USP7: variants seen among roughly 807,000 people sequenced by gnomAD.
USP7 encodes ubiquitin specific peptidase 7.
In USP7, 9 loss-of-function variants were observed where a neutral mutation model predicts 162.9. The ratio of observed to expected loss-of-function variants is 0.06; its 90% CI spans 0.03 to 0.10. The LOEUF is 0.10. Ranked by LOEUF, USP7 falls within the 10% of genes least tolerant of loss-of-function variation. The pLI is 1.00. For missense variants in USP7, 715 were observed against 1,373.7 expected (o/e 0.52, Z 7.58); for synonymous variants, 562 against 475.9 (o/e 1.18, Z -2.35).
At chr16:8,925,354 A>G (rs1897931016) in intron 2 of USP7, among the ~76,000 whole-genome samples, 1 of 152,246 alleles carries the variant, frequency 6.6e-6, no homozygotes, top group East Asian at 1.9e-4. Flanking sequence ...ATGTATACAG[A>G]ACTGCACAGA....
At chr16:8,915,401 C>T (rs1167053739) in intron 9 of USP7, 44 bp downstream of exon 9, 3 of 1,612,482 alleles carry the variant, frequency 1.9e-6, no homozygotes, top group Non-Finnish European at 2.5e-6. Context: ...AATTCACATT[C>T]TAAAACCTTT....
intron 10 of USP7, 139 bp from the exon 11 acceptor site, chr16:8,910,966 G>C (rs1436213329): frequency 1.4e-6 from 1 of 703,342 alleles, no homozygotes; most frequent in Non-Finnish European, 2.4e-6. Context: ...TCCCCCTGTA[G>C]CCAAGACTGT....
intron 1 of USP7, among the ~76,000 whole-genome samples, chr16:8,951,937 G>C (rs192030646): frequency 6.6e-6 from 1 of 152,290 alleles, no homozygotes; most frequent in East Asian, 1.9e-4. Context: ...TTCAGGCAGT[G>C]GGCTACTTTC....
chr16:8,904,973 A>C (rs2061837298), intron 14 of USP7, among the ~76,000 whole-genome samples: 1 of 152,030 alleles, frequency 6.6e-6, no homozygotes, highest in Non-Finnish European at 1.5e-5. Context: ...CCGTCTCAAA[A>C]AAATAAAATA....
At chr16:8,898,769 A>C (rs2061728003) in intron 23 of USP7, 130 bp from the exon 24 acceptor site, 1 of 702,518 alleles carries the variant, frequency 1.4e-6, no homozygotes, top group Non-Finnish European at 2.3e-6. Flanking sequence ...CATGGGGTTT[A>C]ACTTAATACT....
At chr16:8,933,514 A>C (rs759461883) in intron 1 of USP7, among the ~76,000 whole-genome samples, 19 of 152,254 alleles carry the variant, frequency 1.2e-4, no homozygotes, top group Non-Finnish European at 2.8e-4. Flanking sequence ...AGATGTCTAC[A>C]GAAACAGCAG....
At chr16:8,895,503 C>T in intron 27 of USP7, 139 bp downstream of exon 27, 1 of 799,036 alleles carries the variant, frequency 1.3e-6, no homozygotes, top group Non-Finnish European at 2.0e-6. Context: ...ACTGTAGGTC[C>T]ACTCATGGAA....
At position 8,897,705 on chromosome 16, in the gene USP7, A is replaced by C. The variant is rs1173185037; in HGVS notation, c.2719-606T>G. On this transcript the variant is annotated intron_variant, in intron 25 of 30. Transcript: ENST00000344836. ...AGTGAGACCCTGTCTCTACAAAAAA[A>C]AAAAAAAAAAAAAAAAAAAAAATAT... is the stretch of plus-strand genomic sequence containing the variant. 1.0e-3 allele frequency among the ~76,000 whole-genome samples: 30 copies of C among 29,854 alleles called. 4 individuals carry two copies. Among genetic ancestry groups the C allele is most frequent in the South Asian group, 1.8e-3 (1 of 568 alleles). 19.6% of individuals were successfully genotyped at this position (29,854 alleles called of 152,430 possible). A position where few individuals can be genotyped will look rare whatever the true frequency, so the allele number is the denominator to read the frequency against.
At chr16:8,942,981 C>T (rs972424460) in intron 1 of USP7, among the ~76,000 whole-genome samples, 29 of 152,268 alleles carry the variant, frequency 1.9e-4, no homozygotes, top group Admixed American at 5.2e-4. Flanking sequence ...TCAGGCACTG[C>T]GGGCCCTGAG....
rs753971593 is a variant in USP7, at chr16:8,906,434, C to T, written c.1420G>A (p.Asp474Asn). 6.2e-7 allele frequency: 1 copy of T among 1,611,392 alleles called. No individual in the cohort carries two copies. Among genetic ancestry groups the T allele is most frequent in the Non-Finnish European group, 8.5e-7 (1 of 1,179,654 alleles). The change falls in exon 13 of 31, where the codon GAT becomes AAT. Residue 474 changes from aspartate (D) to asparagine (N), a missense_variant. Coordinates refer to ENST00000344836, the MANE Select transcript of USP7 (RefSeq NM_003470.3). ...TGGGTCCCACCACTTACTTTGCCAT[C>T]CCCTTTGGGGTTTAGATAAACCACA... The part of the protein sequence containing the change: ...HYVVYLNPKG[D>N]GKWCKFDDDV...
At chr16:8,939,551 A>G (rs1199023342) in intron 1 of USP7, among the ~76,000 whole-genome samples, 4 of 152,244 alleles carry the variant, frequency 2.6e-5, no homozygotes, top group African/African-American at 9.6e-5. Context: ...AGTAAACACA[A>G]GCAAGCAAAT....
chr16:8,962,967 G>C (rs1435206875), intron 1 of USP7: 3 of 225,820 alleles, frequency 1.3e-5, no homozygotes, highest in Non-Finnish European at 1.7e-5. Context: ...GTGCCGCGGA[G>C]GCCCGGCGGA....
intron 1 of USP7, chr16:8,956,432 C>T (rs1291857317): frequency 5.3e-5 from 8 of 152,234 alleles, no homozygotes; most frequent in African/African-American, 1.9e-4. Context: ...ACAGCTGTGA[C>T]CTCACAACAG....
At chr16:8,902,849 C>A (rs775357490) in intron 16 of USP7, among the ~76,000 whole-genome samples, 1 of 151,948 alleles carries the variant, frequency 6.6e-6, no homozygotes, top group Non-Finnish European at 1.5e-5. Context: ...GATCGCGCCA[C>A]TGGGCAACAA....
At chr16:8,909,489 A>T (rs549311273) in intron 11 of USP7, among the ~76,000 whole-genome samples, 1 of 152,352 alleles carries the variant, frequency 6.6e-6, no homozygotes, top group East Asian at 1.9e-4. Flanking sequence ...TCTGAAAGAT[A>T]AAAGGATTCT....
intron 18 of USP7, chr16:8,901,799 T>C: frequency 2.4e-6 from 1 of 417,368 alleles, no homozygotes; most frequent in Non-Finnish European, 4.3e-6. Context: ...TTTGCAACCC[T>C]GCTCTTTAGG....
intron 21 of USP7, 27 bp downstream of exon 21, chr16:8,900,503 T>C: frequency 6.6e-7 from 1 of 1,516,384 alleles, no homozygotes; most frequent in Non-Finnish European, 9.0e-7. Context: ...TAGTACAAAG[T>C]GATACAATCC....
At chr16:8,898,208 G>T in intron 25 of USP7, 152 bp downstream of exon 25, 1 of 684,082 alleles carries the variant, frequency 1.5e-6, no homozygotes, top group East Asian at 2.7e-5. Context: ...CAGGAGGCAG[G>T]AAAGACTGGC....
intron 1 of USP7, among the ~76,000 whole-genome samples, chr16:8,962,271 A>G (rs1481245346): frequency 6.6e-6 from 1 of 152,214 alleles, no homozygotes; most frequent in African/African-American, 2.4e-5. Context: ...CACGTAGGTA[A>G]GAAAACTTTT....
Sources: allele counts gnomAD v4.1 joint callset (sites outside exome capture counted in the v4.1 genomes callset), GRCh38; gene constraint gnomAD v4.1.1; transcripts MANE v1.5; gene names NCBI Gene and HGNC (gene_info 2026-07-23, HGNC 2026-07-21).